PDIA3: variants seen among roughly 807,000 people sequenced by gnomAD.
PDIA3 encodes protein disulfide-isomerase A3.
In PDIA3, 16 loss-of-function variants were observed where a neutral mutation model predicts 56.9. The observed-to-expected ratio is 0.28, with a 90% CI of 0.19 to 0.43. The LOEUF (loss-of-function observed/expected upper bound fraction) is 0.43. Among genes scored for constraint, PDIA3 ranks in the 20% least tolerant of loss-of-function variants. PDIA3 has a pLI of 1.00. For missense variants in PDIA3, 485 were observed against 621.3 expected, an observed-to-expected ratio of 0.78 and a Z score of 2.33; for synonymous variants, 192 against 216.5, an observed-to-expected ratio of 0.89 and a Z score of 0.99.
At chr15:43,746,741 C>T (rs1311560309) in intron 1 of PDIA3, 35 bp downstream of exon 1, 10 of 1,608,510 alleles carry the variant, frequency 6.2e-6, no homozygotes, top group Non-Finnish European at 8.5e-6. Context: ...GGAAGAAAGG[C>T]GGGGCTGGGC....
At chr15:43,757,225 C>G (rs1301562415) in intron 3 of PDIA3, among the ~76,000 whole-genome samples, 1 of 151,558 alleles carries the variant, frequency 6.6e-6, no homozygotes, top group Non-Finnish European at 1.5e-5. Flanking sequence ...GTCTTGAGCA[C>G]AGCCTGGGCA....
At chr15:43,759,979 C>T (rs1452734240) in intron 3 of PDIA3, among the ~76,000 whole-genome samples, 2 of 152,078 alleles carry the variant, frequency 1.3e-5, no homozygotes, top group Admixed American at 1.3e-4. Flanking sequence ...ATTCCAGCTA[C>T]TCGGGAGGCT....
intron 11 of PDIA3, 34 bp downstream of exon 11, chr15:43,770,363 G>T (rs768256765): frequency 6.5e-7 from 1 of 1,542,032 alleles, no homozygotes; most frequent in Non-Finnish European, 9.0e-7. Context: ...AAGTGTCTAG[G>T]CAATAGATAG....
In PDIA3 at chr15:43,771,923, G is replaced by A. The variant is rs553125943; in HGVS notation, c.*705G>A. The stretch of plus-strand genomic sequence containing the variant: ...ATGGGTTCCTGTTTATCCTTGCCAC[G>A]CAGCTGAGCTTACTGCATGTTTATA... On this transcript the variant is annotated 3_prime_UTR_variant, in exon 13 of 13. Coordinates refer to ENST00000300289, the MANE Select transcript of PDIA3 (RefSeq NM_005313.5). The A allele has an allele frequency of 4.5e-5, 13 of 288,206 alleles. No homozygotes were observed. The highest frequency in any genetic ancestry group is 2.3e-4 in the East Asian group (4 of 17,470). The allele number at this position is 288,206 out of a possible 1,614,324, so 17.9% of individuals were successfully genotyped here.
At chr15:43,750,515 C>T (rs576596725) in intron 1 of PDIA3, among the ~76,000 whole-genome samples, 1 of 152,080 alleles carries the variant, frequency 6.6e-6, no homozygotes, top group Non-Finnish European at 1.5e-5. Context: ...GTGGCTCACG[C>T]CTGTAATCCC....
intron 3 of PDIA3, among the ~76,000 whole-genome samples, chr15:43,760,226 A>G (rs2086805508): frequency 6.6e-6 from 1 of 151,968 alleles, no homozygotes; most frequent in Non-Finnish European, 1.5e-5. Flanking sequence ...CCCCGTCTTT[A>G]TAAAAATACA....
At chr15:43,769,875 TA>T (rs1278842574) in intron 10 of PDIA3, among the ~76,000 whole-genome samples, 2 of 152,212 alleles carry the variant, frequency 1.3e-5, no homozygotes, top group African/African-American at 2.4e-5. Flanking sequence ...AGATAATGGT[TA>T]AAAATATCTA....
intron 3 of PDIA3, among the ~76,000 whole-genome samples, chr15:43,761,048 C>G (rs2086812055): frequency 6.6e-6 from 1 of 150,926 alleles, no homozygotes; most frequent in African/African-American, 2.4e-5. Context: ...ACCATCCTGT[C>G]TAACATGGTG....
At chr15:43,763,951 T>A (rs2086833182) in intron 5 of PDIA3, among the ~76,000 whole-genome samples, 1 of 152,064 alleles carries the variant, frequency 6.6e-6, no homozygotes, top group African/African-American at 2.4e-5. Flanking sequence ...ACTGCTGGAG[T>A]ATTGTTTGTG....
At chr15:43,760,721 C>T (rs2086809528) in intron 3 of PDIA3, among the ~76,000 whole-genome samples, 1 of 151,052 alleles carries the variant, frequency 6.6e-6, no homozygotes, top group African/African-American at 2.4e-5. Context: ...TTAGTGGAGA[C>T]GGGGTTTCAC....
chr15:43,749,627 T>C (rs2086730743), intron 1 of PDIA3, among the ~76,000 whole-genome samples: 1 of 152,088 alleles, frequency 6.6e-6, no homozygotes, highest in Admixed American at 6.5e-5. Flanking sequence ...ACCCCATCTC[T>C]ACTAAAAATA....
chr15:43,747,965 T>A (rs897212986), intron 1 of PDIA3, among the ~76,000 whole-genome samples: 1 of 152,160 alleles, frequency 6.6e-6, no homozygotes, highest in Admixed American at 6.5e-5. Context: ...ATATAGATAG[T>A]TCTTATACAT....
chr15:43,746,767 G>C, intron 1 of PDIA3, 61 bp downstream of exon 1: 1 of 1,579,488 alleles, frequency 6.3e-7, no homozygotes, highest in Non-Finnish European at 8.7e-7. Context: ...GCGAGAGCGC[G>C]GGGAACTGTT....
intron 7 of PDIA3, 100 bp from the exon 8 acceptor site, chr15:43,766,628 A>G: frequency 1.1e-6 from 1 of 901,000 alleles, no homozygotes; most frequent in South Asian, 1.7e-5. Flanking sequence ...GGCTAGAACT[A>G]TAGAACTTAG....
rs2086873354 is a variant in PDIA3, at chr15:43,770,304, G to T, written c.1321G>T (p.Val441Leu). 1.9e-6 allele frequency: 3 copies of T among 1,614,048 alleles called. No individual in the cohort carries two copies. The highest frequency in any genetic ancestry group is 4.5e-5 in the East Asian group (2 of 44,872). ...CAAGATGGATGCCACAGCCAATGAT[G>T]TGCCTTCTCCATATGAAGTCAGAGG... ...IAKMDATAND[V>L]PSPYEVRGFP... is the part of the protein sequence containing the mutation. The change falls in exon 11 of 13, where the codon GTG (valine) becomes TTG (leucine). Residue 441 changes from valine to leucine, a missense_variant. Transcript: ENST00000300289.
At chr15:43,769,801 G>C (rs1037559438) in intron 10 of PDIA3, among the ~76,000 whole-genome samples, 155 bp downstream of exon 10, 1 of 152,148 alleles carries the variant, frequency 6.6e-6, no homozygotes, top group Non-Finnish European at 1.5e-5. Flanking sequence ...CTGCCCCCTA[G>C]TGCTCCAGCC....
intron 2 of PDIA3, among the ~76,000 whole-genome samples, 165 bp from the exon 3 acceptor site, chr15:43,756,484 T>C (rs1369814671): frequency 6.6e-6 from 1 of 152,230 alleles, no homozygotes; most frequent in East Asian, 1.9e-4. Context: ...TCTGATGTAG[T>C]TAGGCAAGCT....
Position 43,763,187 on chromosome 15 carries a change from G to C in PDIA3, c.583G>C (p.Glu195Gln), listed in dbSNP as rs200051575. 1.1e-5 allele frequency: 17 copies of C among 1,614,026 alleles called. No homozygotes were observed. In the East Asian group the frequency reaches 3.6e-4, roughly 34 times the overall value. Reference sequence around the variant, plus strand: ...TACGAATGTTGAGTCTCTGGTGAACGAGTATGATGATAATGGAGAGTAAGT... The same window carrying C: ...TACGAATGTTGAGTCTCTGGTGAACCAGTATGATGATAATGGAGAGTAAGT... ...AHTNVESLVN[E>Q]YDDNGEGIIL... is the part of the protein sequence containing the mutation. Residue 195 changes from glutamate (E) to glutamine (Q), a missense_variant, in exon 5 of 13, where the codon GAG (glutamate) becomes CAG (glutamine). Transcript: ENST00000300289.
chr15:43,763,254 G>C (rs751369158), intron 5 of PDIA3, 48 bp downstream of exon 5: 1 of 1,585,466 alleles, frequency 6.3e-7, no homozygotes, highest in African/African-American at 1.3e-5. Flanking sequence ...TGTGTGAACT[G>C]GTGATACTGA....
Sources: allele counts gnomAD v4.1 joint callset (sites outside exome capture counted in the v4.1 genomes callset), GRCh38; gene constraint gnomAD v4.1.1; transcripts MANE v1.5; gene names NCBI Gene and HGNC (gene_info 2026-07-23, HGNC 2026-07-21).